Variants in SCHIP1 observed in about 807,000 individuals in gnomAD.
SCHIP1 encodes schwannomin interacting protein 1.
A neutral mutation model predicts 29.7 loss-of-function variants in SCHIP1; 8 were observed. The observed-to-expected ratio is 0.27, with a 90% CI of 0.16 to 0.49. The LOEUF is 0.49. Ranked by LOEUF, SCHIP1 falls within the 20% of genes least tolerant of loss-of-function variation. The pLI, the probability that SCHIP1 is intolerant of heterozygous loss-of-function variation, is 0.99. For synonymous variants in SCHIP1, 76 were observed against 94.9 expected (o/e 0.80, Z 1.16); for missense variants, 193 against 294.6 (o/e 0.66, Z 2.52).
chr3:159,380,223 T>C, the SCHIP1 span, among the ~76,000 whole-genome samples: 1 of 152,336 alleles, frequency 6.6e-6, no homozygotes. Context: ...AAGAAGGTGA[T>C]TGACAGCACA....
chr3:159,337,536 T>A, the SCHIP1 span, among the ~76,000 whole-genome samples: 1 of 152,140 alleles, frequency 6.6e-6, no homozygotes, highest in Non-Finnish European at 1.5e-5. Context: ...ATCCCAAGCA[T>A]TCTTATACAC....
the SCHIP1 span, among the ~76,000 whole-genome samples, chr3:159,363,537 ATAGACATC>A: frequency 6.6e-6 from 1 of 152,206 alleles, no homozygotes; most frequent in Non-Finnish European, 1.5e-5. Flanking sequence ...CACCAGACAG[ATAGACATC>A]TGTGCAAGTA....
the SCHIP1 span, among the ~76,000 whole-genome samples, chr3:159,748,760 C>T: frequency 6.6e-6 from 1 of 152,308 alleles, no homozygotes; most frequent in East Asian, 1.9e-4. Flanking sequence ...ACAAGATACT[C>T]AGAGGTTTCT....
the SCHIP1 span, among the ~76,000 whole-genome samples, chr3:159,670,641 A>G: frequency 6.6e-6 from 1 of 151,994 alleles, no homozygotes; most frequent in Admixed American, 6.5e-5. Flanking sequence ...TTACTTTTCT[A>G]TGAAAAAAAG....
At chr3:159,453,839 C>T in the SCHIP1 span, among the ~76,000 whole-genome samples, 4 of 152,150 alleles carry the variant, frequency 2.6e-5, no homozygotes, top group Non-Finnish European at 5.9e-5. Flanking sequence ...CCTTCAAGTC[C>T]TGCTTGCCTC....
the SCHIP1 span, among the ~76,000 whole-genome samples, chr3:159,627,878 G>C: frequency 6.6e-6 from 1 of 152,218 alleles, no homozygotes; most frequent in Non-Finnish European, 1.5e-5. Context: ...GTTTTGGACG[G>C]AAGGCAGCTG....
At chr3:159,673,607 C>T in the SCHIP1 span, among the ~76,000 whole-genome samples, 8 of 152,286 alleles carry the variant, frequency 5.3e-5, no homozygotes, top group African/African-American at 1.9e-4. Flanking sequence ...TGGAGTTTTC[C>T]TCTGGGATGC....
At chr3:159,470,340 TGTATACACAGACA>T in the SCHIP1 span, among the ~76,000 whole-genome samples, 1 of 152,156 alleles carries the variant, frequency 6.6e-6, no homozygotes, top group Non-Finnish European at 1.5e-5. Flanking sequence ...GTGGCATGAC[TGTATACACAGACA>T]GTCAAAGGTA....
chr3:159,450,807 CTTTT>C, the SCHIP1 span, among the ~76,000 whole-genome samples: 8 of 123,054 alleles, frequency 6.5e-5, no homozygotes, highest in Admixed American at 1.7e-4. Flanking sequence ...ATTTAGTATT[CTTTT>C]TTTTTTTTTT....
chr3:159,735,505 C>T, the SCHIP1 span, among the ~76,000 whole-genome samples: 34 of 152,280 alleles, frequency 2.2e-4, no homozygotes, highest in South Asian at 4.1e-4. Context: ...GCTGGGATTA[C>T]AGACGTGAGC....
the SCHIP1 span, among the ~76,000 whole-genome samples, chr3:159,749,635 A>C: frequency 6.6e-6 from 1 of 152,194 alleles, no homozygotes; most frequent in African/African-American, 2.4e-5. Flanking sequence ...CTTGAAGGTT[A>C]TTGTGAATCA....
At chr3:159,300,112 G>GTTTTT in the SCHIP1 span, among the ~76,000 whole-genome samples, 7 of 47,634 alleles carry the variant, frequency 1.5e-4, no homozygotes, top group African/African-American at 4.4e-4. Context: ...AGGGAAAGCT[G>GTTTTT]CTTTTTTTTT....
chr3:159,717,220 A>C, the SCHIP1 span, among the ~76,000 whole-genome samples: 1 of 152,218 alleles, frequency 6.6e-6, no homozygotes, highest in Non-Finnish European at 1.5e-5. Context: ...TCTCTGGGAC[A>C]CATTTAAAGC....
the SCHIP1 span, among the ~76,000 whole-genome samples, chr3:159,442,880 T>G: frequency 6.6e-6 from 1 of 152,188 alleles, no homozygotes; most frequent in South Asian, 2.1e-4. Context: ...TAGACAGTGT[T>G]ACATTCATTT....
the SCHIP1 span, among the ~76,000 whole-genome samples, chr3:159,311,396 GA>G: frequency 6.6e-6 from 1 of 152,062 alleles, no homozygotes. Context: ...CATAGCCTTT[GA>G]TACAAACTTA....
the SCHIP1 span, among the ~76,000 whole-genome samples, chr3:159,514,100 C>T: frequency 1.3e-5 from 2 of 152,128 alleles, no homozygotes; most frequent in African/African-American, 4.8e-5. Flanking sequence ...GGAAAGCAGC[C>T]CTTTTTTCCA....
At chr3:159,878,398 C>T (rs1324086975) in intron 2 of SCHIP1, among the ~76,000 whole-genome samples, 4 of 152,058 alleles carry the variant, frequency 2.6e-5, no homozygotes, top group Non-Finnish European at 5.9e-5. Context: ...AGGAGTATCG[C>T]TTGAACCCAG....
the SCHIP1 span, among the ~76,000 whole-genome samples, chr3:159,343,925 A>C: frequency 1.0e-3 from 158 of 152,296 alleles, 2 homozygotes; most frequent in South Asian, 0.024. Flanking sequence ...GTTGATAGTA[A>C]TTTTTAAATT....
chr3:159,759,290 C>A, the SCHIP1 span, among the ~76,000 whole-genome samples: 3 of 152,112 alleles, frequency 2.0e-5, no homozygotes, highest in Non-Finnish European at 4.4e-5. Flanking sequence ...ATTGGCTCTA[C>A]AGAAATAAAA....
Sources: gnomAD v4.1 joint callset for allele counts (sites outside exome capture counted in the v4.1 genomes callset) on GRCh38, gnomAD v4.1.1 for gene constraint, MANE v1.5 for transcripts, NCBI Gene and HGNC (gene_info 2026-07-23, HGNC 2026-07-21) for gene names.